The following PCDHGB3 variants were observed in gnomAD, a reference collection of about 807,000 sequenced individuals.
PCDHGB3 encodes protocadherin gamma-B3.
Under a neutral mutation model 59.2 loss-of-function variants are expected in PCDHGB3, and 40 were observed. That is an observed-to-expected ratio of 0.68 (90% CI 0.52 to 0.88). The LOEUF (loss-of-function observed/expected upper bound fraction) is 0.88, where lower values mean the gene tolerates loss of function less well. PCDHGB3 is among the 40% of genes least tolerant of loss of function. The pLI is 0.00. For synonymous variants in PCDHGB3, 581 were observed against 503.6 expected (o/e 1.15, Z -2.06); for missense variants, 1,309 against 1,187.9 (o/e 1.10, Z -1.50).
chr5:141,487,438 G>A lies in PCDHGB3; in HGVS notation c.2416-7369G>A, dbSNP rs2154580826. 6 of 1,614,174 alleles carry A rather than the reference G, an allele frequency of 3.7e-6. No individual in the cohort carries two copies. Among genetic ancestry groups the A allele is most frequent in the East Asian group, 2.2e-5 (1 of 44,866 alleles). On this transcript the variant is annotated intron_variant, in intron 1 of 3. Transcript: ENST00000576222. This position sits in a 1 kb window ranked among gnomAD's most constrained non-coding sequence, Gnocchi z 5.0. The stretch of plus-strand genomic sequence containing the variant: ...ATGGGATCCTCCGAATCCAGCTAGG[G>A]TCAGATGACCCTATCAAGTTTGTTG...
intron 1 of PCDHGB3, chr5:141,408,371 A>C (rs2095092452): frequency 6.2e-7 from 1 of 1,613,848 alleles, no homozygotes; most frequent in Non-Finnish European, 8.5e-7. Flanking sequence ...TCTAGGGCTC[A>C]GTGTCCTGGA....
chr5:141,494,491 T>C (rs2099754727), intron 1 of PCDHGB3, among the ~76,000 whole-genome samples: 1 of 152,150 alleles, frequency 6.6e-6, no homozygotes, highest in Admixed American at 6.5e-5. Context: ...AGAAGATGCC[T>C]TCAGTCCTTG....
rs775380177 is a variant in PCDHGB3, at chr5:141,422,666, C to T, written c.2415+49857C>T. The T allele has an allele frequency of 3.1e-6, 5 of 1,608,026 alleles. No individual in the cohort carries two copies. In the South Asian group the frequency reaches 3.3e-5, roughly 11 times the overall value. ...ATCTTCTCAGTGACCGCCCTCGACC[C>T]GGACAGCAAACAGAATGCCCTGGTC... On this transcript the variant is annotated intron_variant, in intron 1 of 3. Transcript: ENST00000576222.
intron 1 of PCDHGB3, chr5:141,388,025 G>A (rs986664863): frequency 6.9e-7 from 1 of 1,447,232 alleles, no homozygotes. Flanking sequence ...GCTCCGTAGT[G>A]GGGAACCTCG....
At position 141,375,580 on chromosome 5, in the gene PCDHGB3, G is replaced by C; in HGVS notation, c.2415+2771G>C. The C allele has an allele frequency of 1.9e-6, 3 of 1,614,092 alleles. 1 individual carries two copies. The highest frequency in any genetic ancestry group is 2.2e-5 in the South Asian group (2 of 91,078). On this transcript the variant is annotated intron_variant, in intron 1 of 3. Transcript: ENST00000576222. ...TGGCAGAAGACACCCTCCAGGGGGC[G>C]CCCCTGTCCTCCTACGTGTCCATCA...
At chr5:141,413,722 T>TCC (rs1330658153) in intron 1 of PCDHGB3, 1 of 1,613,450 alleles carries the variant, frequency 6.2e-7, no homozygotes. Context: ...TAAGCACTTC[T>TCC]CCCTAAGAGT....
rs578223384 is a variant in PCDHGB3, at chr5:141,400,070, C to A, written c.2415+27261C>A. 4 of 1,613,804 alleles carry A rather than the reference C, an allele frequency of 2.5e-6. No individual in the cohort carries two copies. The African/African-American group carries it at 4.0e-5, about 16-fold the overall frequency. On this transcript the variant is annotated intron_variant, in intron 1 of 3. Transcript: ENST00000576222. ...GTTGCTGTGCGTGATGGTGGACAGC[C>A]GCCACTCTCCGCCACCGCCACGCTG...
chr5:141,477,438 C>T lies in PCDHGB3; in HGVS notation c.2416-17369C>T, dbSNP rs1386997844. On this transcript the variant is annotated intron_variant, in intron 1 of 3. Transcript: ENST00000576222. This position sits in a 1 kb window ranked among gnomAD's most constrained non-coding sequence, Gnocchi z 4.9. ...GGAACCCCTTCCCTCTCAGCCCTTA[C>T]AATAGTGCGTGTTCAAGTGTCCGAC... 6.2e-7 allele frequency: 1 copy of T among 1,614,174 alleles called. No homozygotes were observed. The highest frequency in any genetic ancestry group is 8.5e-7 in the Non-Finnish European group (1 of 1,180,030).
At chr5:141,389,652 G>C in intron 1 of PCDHGB3, 1 of 1,612,638 alleles carries the variant, frequency 6.2e-7, no homozygotes, top group South Asian at 1.1e-5. Context: ...GACCAAGGTA[G>C]TGGCGGTGGA....
intron 1 of PCDHGB3, chr5:141,393,689 C>G (rs2150535299): frequency 6.2e-7 from 1 of 1,613,890 alleles, no homozygotes; most frequent in Middle Eastern, 1.7e-4. Context: ...CTCCGTTATT[C>G]CAGCTTAATG....
At chr5:141,426,116 G>A (rs1324245739) in intron 1 of PCDHGB3, among the ~76,000 whole-genome samples, 3 of 152,232 alleles carry the variant, frequency 2.0e-5, no homozygotes, top group African/African-American at 7.2e-5. Context: ...AAGCAAGTCG[G>A]AGAGTGGCCA....
intron 2 of PCDHGB3, among the ~76,000 whole-genome samples, chr5:141,496,078 CCCCACCCACCA>C (rs1204698458): frequency 6.6e-6 from 1 of 152,016 alleles, no homozygotes; most frequent in Non-Finnish European, 1.5e-5. Context: ...ACACACAACC[CCCCACCCACCA>C]CCCACCAACA....
intron 2 of PCDHGB3, among the ~76,000 whole-genome samples, chr5:141,497,553 T>G (rs2099777684): frequency 6.6e-6 from 1 of 151,326 alleles, no homozygotes; most frequent in Non-Finnish European, 1.5e-5. Flanking sequence ...TTTTTTTTTT[T>G]TTTTTAGACA....
intron 1 of PCDHGB3, chr5:141,410,075 GAGGTGCGCAC>G: frequency 6.2e-7 from 1 of 1,612,898 alleles, no homozygotes; most frequent in East Asian, 2.2e-5. Context: ...GCGCACTGGG[GAGGTGCGCAC>G]GGCTCGAGCC....
chr5:141,507,846 T>G (rs892503210), intron 3 of PCDHGB3, among the ~76,000 whole-genome samples: 1 of 152,134 alleles, frequency 6.6e-6, no homozygotes, highest in African/African-American at 2.4e-5. Context: ...CAGGCCCTGC[T>G]CTCACTTTCA....
At chr5:141,377,347 T>G (rs902378263) in intron 1 of PCDHGB3, 3 of 152,196 alleles carry the variant, frequency 2.0e-5, no homozygotes, top group Non-Finnish European at 2.9e-5. Flanking sequence ...GGTTCACGCC[T>G]GTAATCCCAC....
chr5:141,371,392 T>A lies in PCDHGB3; in HGVS notation c.998T>A (p.Val333Glu), dbSNP rs1767716213. 6.2e-7 allele frequency: 1 copy of A among 1,613,846 alleles called. No individual in the cohort carries two copies. Among genetic ancestry groups the A allele is most frequent in the African/African-American group, 1.3e-5 (1 of 74,940 alleles). ...DGGHHTAYCK[V>E]QIDISDENDN... ...GGACATCACACTGCATATTGTAAAG[T>A]ACAGATAGATATTTCAGATGAAAAT... The change falls in exon 1 of 4, where the codon GTA (valine) becomes GAA (glutamate). Residue 333 changes from valine to glutamate, a missense_variant. Physicochemically the swap from Val to Glu is moderately radical, Grantham distance 121 (BLOSUM62 -2). Transcript: ENST00000576222.
At position 141,409,758 on chromosome 5, in the gene PCDHGB3, C is replaced by A. The variant is rs763902801; in HGVS notation, c.2415+36949C>A. Reference sequence around the variant, plus strand: ...AGCGGGGTGGTGTTCGCGCAGCGCGCCTTTGATCACGAGCAGCTGCGCGCC... The same window carrying A: ...AGCGGGGTGGTGTTCGCGCAGCGCGACTTTGATCACGAGCAGCTGCGCGCC... On this transcript the variant is annotated intron_variant, in intron 1 of 3. Transcript: ENST00000576222. 4 of 1,612,868 alleles carry A rather than the reference C, an allele frequency of 2.5e-6. No homozygotes were observed. In the African/African-American group the frequency reaches 4.0e-5, roughly 16 times the overall value.
Position 141,511,072 on chromosome 5 carries a change from A to C in PCDHGB3, c.2689A>C (p.Ser897Arg). The C allele has an allele frequency of 6.2e-7, 1 of 1,614,252 alleles. No individual in the cohort carries two copies. Among genetic ancestry groups the C allele is most frequent in the Non-Finnish European group, 8.5e-7 (1 of 1,180,034 alleles). Residue 897 changes from serine to arginine, a missense_variant, in exon 4 of 4, where the codon AGC (serine) becomes CGC (arginine). Ser to Arg is a moderately radical substitution (Grantham distance 110). Coordinates refer to ENST00000576222, the MANE Select transcript of PCDHGB3 (RefSeq NM_018924.5). ...CCGCCAGAATGTCTACATCCCAGGC[A>C]GCAATGCCACACTGACCAACGCAGC... ...DYRQNVYIPG[S>R]NATLTNAAGK...
Sources: gnomAD v4.1 joint callset for allele counts (sites outside exome capture counted in the v4.1 genomes callset) on GRCh38, gnomAD v4.1.1 for gene constraint, Gnocchi (gnomAD v3.1) non-coding constraint, MANE v1.5 for transcripts, NCBI Gene and HGNC (gene_info 2026-07-23, HGNC 2026-07-21) for gene names.